Variants in IQCM observed in about 807,000 individuals in gnomAD.
IQCM encodes IQ domain-containing protein M.
IQCM carries 45 observed loss-of-function variants against 57.6 expected under a neutral mutation model. The ratio of observed to expected loss-of-function variants is 0.78; its 90% CI spans 0.62 to 1.00. The LOEUF is 1.00. Among genes scored for constraint, IQCM ranks in the 50% least tolerant of loss-of-function variants. The pLI, the probability that IQCM is intolerant of heterozygous loss-of-function variation, is 0.00. For missense variants in IQCM, 468 were observed against 511.6 expected (o/e 0.91, Z 0.82); for synonymous variants, 148 against 158.9 (o/e 0.93, Z 0.51).
chr4:149,499,553 G>A (rs192586878), intron 12 of IQCM, among the ~76,000 whole-genome samples: 119 of 152,146 alleles, frequency 7.8e-4, no homozygotes, highest in Middle Eastern at 3.4e-3. Flanking sequence ...CCCTTTGGAG[G>A]CAGATGACTA....
chr4:149,495,222 T>G (rs72955454), intron 12 of IQCM, among the ~76,000 whole-genome samples: 7 of 152,236 alleles, frequency 4.6e-5, no homozygotes, highest in African/African-American at 1.7e-4. Context: ...ATGGCATGGA[T>G]ATTGTCATTG....
intron 12 of IQCM, among the ~76,000 whole-genome samples, chr4:149,436,221 T>C (rs536247677): frequency 6.6e-6 from 1 of 152,284 alleles, no homozygotes; most frequent in African/African-American, 2.4e-5. Context: ...TGTGTTTAGA[T>C]ACACAAATCC....
rs34134697 is a variant in IQCM at position 149,368,756 on chromosome 4, GTATATATATATA to G, written c.1391-16702_1391-16691del. 1.4e-4 allele frequency among the ~76,000 whole-genome samples: 10 copies of G among 73,258 alleles called. No homozygotes were observed. The East Asian group carries it at 4.6e-3, about 34-fold the overall frequency. 48.1% of individuals were successfully genotyped at this position (73,258 alleles called of 152,430 possible). On this transcript the variant is annotated intron_variant, in intron 13 of 13. Coordinates refer to ENST00000636793, the MANE Select transcript of IQCM (RefSeq NM_001363507.2). The stretch of plus-strand genomic sequence containing the variant: ...AAAGGCACAAATTATATATATACAT[GTATATATATATA>G]TACATATATATACATGTATATATAT...
intron 13 of IQCM, among the ~76,000 whole-genome samples, chr4:149,388,733 T>A (rs1296469335): frequency 6.9e-6 from 1 of 145,510 alleles, no homozygotes; most frequent in Non-Finnish European, 1.5e-5. Context: ...CTCTGACATA[T>A]ATATATATGA....
At chr4:149,621,053 C>A in intron 8 of IQCM, 76 bp downstream of exon 8, 1 of 617,200 alleles carries the variant, frequency 1.6e-6, no homozygotes, top group East Asian at 3.5e-5. Flanking sequence ...ATCTCAAGTG[C>A]TTTCATCAAA....
chr4:149,360,436 C>T (rs988975546), intron 13 of IQCM, among the ~76,000 whole-genome samples: 14 of 152,118 alleles, frequency 9.2e-5, no homozygotes, highest in Admixed American at 2.0e-4. Context: ...TGGCATGCTC[C>T]GGAGGTCCTG....
At chr4:149,694,560 A>AC (rs1554023307) in intron 5 of IQCM, among the ~76,000 whole-genome samples, 9 of 152,008 alleles carry the variant, frequency 5.9e-5, no homozygotes, top group Non-Finnish European at 8.8e-5. Flanking sequence ...ACACACACAC[A>AC]AAAAACAGCA....
chr4:149,741,379 C>G (rs1192220264), intron 3 of IQCM, among the ~76,000 whole-genome samples: 2 of 152,156 alleles, frequency 1.3e-5, no homozygotes, highest in East Asian at 3.8e-4. Flanking sequence ...ATTTCTCAGA[C>G]AGTGGTCAGG....
chr4:149,534,402 A>G (rs904247444), intron 12 of IQCM, among the ~76,000 whole-genome samples: 2 of 152,138 alleles, frequency 1.3e-5, no homozygotes, highest in Non-Finnish European at 2.9e-5. Flanking sequence ...ATTACTATTG[A>G]TGCACATGCT....
At chr4:149,768,056 G>A (rs577914604) in intron 2 of IQCM, among the ~76,000 whole-genome samples, 10 of 152,132 alleles carry the variant, frequency 6.6e-5, no homozygotes, top group South Asian at 2.1e-4. Flanking sequence ...CACGTCTCAC[G>A]TAACTCACAG....
At chr4:149,717,085 A>C (rs1338192790) in intron 5 of IQCM, among the ~76,000 whole-genome samples, 1 of 152,122 alleles carries the variant, frequency 6.6e-6, no homozygotes, top group Non-Finnish European at 1.5e-5. Context: ...TATATCCTTT[A>C]TCAACAAATT....
chr4:149,617,024 C>G (rs1368993236), intron 8 of IQCM, among the ~76,000 whole-genome samples: 2 of 150,446 alleles, frequency 1.3e-5, no homozygotes, highest in Non-Finnish European at 2.9e-5. Context: ...ATGGTGCAAT[C>G]TCAGCACCAC....
chr4:149,592,287 C>T lies in IQCM; in HGVS notation c.682-4290G>A, dbSNP rs542466238. Among the ~76,000 whole-genome samples, 236 of 152,270 alleles carry T rather than the reference C, an allele frequency of 1.5e-3. 1 individual carries two copies. Among genetic ancestry groups the T allele is most frequent in the African/African-American group, 5.5e-3 (229 of 41,556 alleles). ...AGTGTCTGTTCATATCCTTCACCCACTTTTTGATGGGGTTGTTTGATTTTT... is the reference window on the plus strand; with the variant it reads ...AGTGTCTGTTCATATCCTTCACCCATTTTTTGATGGGGTTGTTTGATTTTT... On this transcript the variant is annotated intron_variant, in intron 8 of 13. Coordinates refer to ENST00000636793, the MANE Select transcript of IQCM (RefSeq NM_001363507.2).
intron 13 of IQCM, among the ~76,000 whole-genome samples, chr4:149,356,837 G>A (rs1419569855): frequency 6.6e-6 from 1 of 152,198 alleles, no homozygotes. Flanking sequence ...ACCTTAAGCA[G>A]TATGGCCATT....
intron 2 of IQCM, among the ~76,000 whole-genome samples, chr4:149,755,362 G>A (rs1367777015): frequency 6.6e-6 from 1 of 152,182 alleles, no homozygotes; most frequent in Non-Finnish European, 1.5e-5. Flanking sequence ...TCTGTGGCTA[G>A]CTGACCTCAT....
intron 13 of IQCM, among the ~76,000 whole-genome samples, chr4:149,381,915 C>T (rs1731106933): frequency 6.6e-6 from 1 of 152,022 alleles, no homozygotes. Context: ...GCTGGGATTA[C>T]AGATATGTGC....
chr4:149,727,005 C>T (rs1363706214), intron 5 of IQCM, among the ~76,000 whole-genome samples: 5 of 152,034 alleles, frequency 3.3e-5, no homozygotes, highest in African/African-American at 9.7e-5. Flanking sequence ...CCGCCTCGGC[C>T]TCCCAAAGTG....
chr4:149,603,329 G>C (rs1344982903), intron 8 of IQCM, among the ~76,000 whole-genome samples: 1 of 152,144 alleles, frequency 6.6e-6, no homozygotes, highest in Non-Finnish European at 1.5e-5. Context: ...TTACATGTTT[G>C]GTTCAAGAGT....
Position 149,448,687 on chromosome 4 carries a change from G to A in IQCM, c.1229-15130C>T, listed in dbSNP as rs1045097137. 6.6e-5 allele frequency among the ~76,000 whole-genome samples: 10 copies of A among 151,694 alleles called. No individual in the cohort carries two copies. In the Admixed American group the frequency reaches 6.6e-4, roughly 10 times the overall value. On this transcript the variant is annotated intron_variant, in intron 12 of 13. Coordinates refer to ENST00000636793, the MANE Select transcript of IQCM (RefSeq NM_001363507.2). ...TCTACAGATAATTAAAATGATGACA[G>A]AGGAATATTATAAACAATTTTATAC...
Sources: gnomAD v4.1 joint callset for allele counts (sites outside exome capture counted in the v4.1 genomes callset) on GRCh38, gnomAD v4.1.1 for gene constraint, MANE v1.5 for transcripts, NCBI Gene and HGNC (gene_info 2026-07-23, HGNC 2026-07-21) for gene names.